The following FAM76A variants were observed in gnomAD, a reference collection of about 807,000 sequenced individuals.
FAM76A encodes protein FAM76A.
FAM76A carries 32 observed loss-of-function variants against 46.2 expected under a neutral mutation model. The ratio of observed to expected loss-of-function variants is 0.69; its 90% CI spans 0.52 to 0.93. The LOEUF (loss-of-function observed/expected upper bound fraction) is 0.93. Among genes scored for constraint, FAM76A ranks in the 40% least tolerant of loss-of-function variants. The pLI is 0.00. For missense variants in FAM76A, 274 were observed against 361.5 expected, an observed-to-expected ratio of 0.76 and a Z score of 1.96; for synonymous variants, 137 against 127.0, an observed-to-expected ratio of 1.08 and a Z score of -0.53.
At chr1:27,760,048 C>T (rs1182786534) in intron 8 of FAM76A, 2 of 456,058 alleles carry the variant, frequency 4.4e-6, no homozygotes, top group Non-Finnish European at 4.4e-6. Flanking sequence ...GCTAGGATTA[C>T]AGGCGTGAGC....
intron 2 of FAM76A, among the ~76,000 whole-genome samples, chr1:27,727,958 C>A (rs553003628): frequency 6.6e-6 from 1 of 151,922 alleles, no homozygotes; most frequent in East Asian, 1.9e-4. Flanking sequence ...CAGGTGCCTG[C>A]CACCATGTCC....
intron 6 of FAM76A, among the ~76,000 whole-genome samples, chr1:27,749,568 G>T (rs1000564132): frequency 5.9e-5 from 9 of 152,286 alleles, no homozygotes; most frequent in Non-Finnish European, 1.2e-4. Context: ...GTTTCACCAT[G>T]TTGACTTGAA....
intron 7 of FAM76A, 76 bp downstream of exon 7, chr1:27,755,406 C>T (rs1381685318): frequency 6.5e-7 from 1 of 1,548,054 alleles, no homozygotes; most frequent in African/African-American, 1.4e-5. Context: ...GATAATAACC[C>T]TTTTTAACTG....
chr1:27,754,879 G>A (rs971144517), intron 6 of FAM76A, among the ~76,000 whole-genome samples: 2 of 152,144 alleles, frequency 1.3e-5, no homozygotes, highest in African/African-American at 4.8e-5. Context: ...TACATCACTG[G>A]GGATCTTTAA....
At chr1:27,743,502 C>T (rs2088189877) in intron 4 of FAM76A, among the ~76,000 whole-genome samples, 1 of 152,136 alleles carries the variant, frequency 6.6e-6, no homozygotes, top group Non-Finnish European at 1.5e-5. Context: ...CAGTGGCTCA[C>T]GCCTGTAAGT....
intron 4 of FAM76A, among the ~76,000 whole-genome samples, chr1:27,742,477 G>A (rs1016811877): frequency 2.6e-5 from 4 of 152,148 alleles, no homozygotes; most frequent in Non-Finnish European, 5.9e-5. Flanking sequence ...GAGGGACTGG[G>A]CCCTGGAAGC....
In FAM76A at chr1:27,748,983, A is replaced by T. The variant is rs937688625; in HGVS notation, c.513-85A>T. ...TGCATAGAAGAGCTGCTGTCTTAAC[A>T]TTGGTCTATTTGACAGACTTTCATT... On this transcript the variant is annotated intron_variant, in intron 5 of 8. Transcript: ENST00000373954. 7.3e-6 allele frequency: 6 copies of T among 820,030 alleles called. No homozygotes were observed. In the Admixed American group the frequency reaches 8.7e-5, roughly 12 times the overall value. The allele number at this position is 820,030 out of a possible 1,614,324, so 50.8% of individuals were successfully genotyped here.
At chr1:27,760,397 C>A in intron 8 of FAM76A, 98 bp from the exon 9 acceptor site, 1 of 893,346 alleles carries the variant, frequency 1.1e-6, no homozygotes. Context: ...TTCTGACCCT[C>A]CACATTGTCT....
intron 6 of FAM76A, among the ~76,000 whole-genome samples, chr1:27,750,371 G>A (rs576788399): frequency 1.2e-4 from 18 of 152,302 alleles, no homozygotes; most frequent in Admixed American, 2.6e-4. Flanking sequence ...TACATGGGGG[G>A]AGGAACCATA....
intron 4 of FAM76A, among the ~76,000 whole-genome samples, chr1:27,736,060 GC>G (rs1275184315): frequency 3.9e-4 from 59 of 152,246 alleles, no homozygotes; most frequent in African/African-American, 1.3e-3. Context: ...GGTGGCTTGT[GC>G]CTGTAATCCC....
At chr1:27,727,797 TA>T (rs1325816220) in intron 2 of FAM76A, among the ~76,000 whole-genome samples, 5 of 136,472 alleles carry the variant, frequency 3.7e-5, no homozygotes, top group Admixed American at 8.6e-5. Flanking sequence ...ATTGATTGCT[TA>T]AATTTTTTTT....
chr1:27,739,541 C>T (rs756681246), intron 4 of FAM76A: 6 of 326,958 alleles, frequency 1.8e-5, no homozygotes, highest in Non-Finnish European at 3.5e-5. Flanking sequence ...AATCGTAGCA[C>T]TTTGGGAGGC....
At chr1:27,739,191 G>A in intron 4 of FAM76A, 1 of 420,644 alleles carries the variant, frequency 2.4e-6, no homozygotes, top group South Asian at 1.8e-5. Flanking sequence ...TAAGGATGCT[G>A]GAGGAAAAGC....
At chr1:27,748,945 A>G (rs574114612) in intron 5 of FAM76A, 123 bp from the exon 6 acceptor site, 1 of 587,402 alleles carries the variant, frequency 1.7e-6, no homozygotes, top group East Asian at 3.1e-5. Flanking sequence ...ATTAATCAAG[A>G]ATTATTAGCT....
At chr1:27,754,856 A>G (rs1271997715) in intron 6 of FAM76A, among the ~76,000 whole-genome samples, 1 of 152,196 alleles carries the variant, frequency 6.6e-6, no homozygotes, top group Non-Finnish European at 1.5e-5. Context: ...AAAAATTAGG[A>G]TGGTTTTTCT....
chr1:27,732,726 ACTAATG>A (rs2148567137), intron 3 of FAM76A, 69 bp downstream of exon 3: 2 of 1,148,230 alleles, frequency 1.7e-6, no homozygotes, highest in South Asian at 3.0e-5. Context: ...TCTGTGGCCT[ACTAATG>A]CCATTACAAT....
intron 5 of FAM76A, among the ~76,000 whole-genome samples, chr1:27,748,560 C>A (rs1013223334): frequency 1.1e-3 from 6 of 5,564 alleles, no homozygotes; most frequent in Non-Finnish European, 1.9e-3. Flanking sequence ...CGGCTCACTG[C>A]AGGCTCCGCC....
At chr1:27,757,379 T>C (rs990980217) in intron 7 of FAM76A, among the ~76,000 whole-genome samples, 2 of 151,472 alleles carry the variant, frequency 1.3e-5, no homozygotes, top group African/African-American at 4.8e-5. Flanking sequence ...GTTTTTGTTT[T>C]TGATTGAGAC....
intron 7 of FAM76A, 39 bp downstream of exon 7, chr1:27,755,369 G>A (rs372372895): frequency 1.9e-5 from 30 of 1,610,688 alleles, no homozygotes; most frequent in South Asian, 3.3e-5. Context: ...AGAATGATGC[G>A]AGGGTGAGAT....
Sources: gnomAD v4.1 joint callset for allele counts (sites outside exome capture counted in the v4.1 genomes callset) on GRCh38, gnomAD v4.1.1 for gene constraint, MANE v1.5 for transcripts, NCBI Gene and HGNC (gene_info 2026-07-23, HGNC 2026-07-21) for gene names.